The following CCDC148 variants were observed in gnomAD, a reference collection of about 807,000 sequenced individuals.
CCDC148 encodes coiled-coil domain-containing protein 148.
A neutral mutation model predicts 85.7 loss-of-function variants in CCDC148; 89 were observed. That is an observed-to-expected ratio of 1.04 (90% CI 0.87 to 1.24). The LOEUF is 1.24. CCDC148 is among the 50% of genes most tolerant of loss of function. The pLI, the probability that CCDC148 is intolerant of heterozygous loss-of-function variation, is 0.00. For synonymous variants in CCDC148, 230 were observed against 213.9 expected (o/e 1.08, Z -0.66); for missense variants, 692 against 671.7 (o/e 1.03, Z -0.33).
intron 7 of CCDC148, among the ~76,000 whole-genome samples, chr2:158,337,294 T>A (rs2105239144): frequency 6.6e-6 from 1 of 152,228 alleles, no homozygotes; most frequent in East Asian, 1.9e-4. Context: ...CCAGCCAACT[T>A]GCTTTAAATG....
At chr2:158,262,576 A>G (rs1689277295) in intron 9 of CCDC148, among the ~76,000 whole-genome samples, 1 of 152,054 alleles carries the variant, frequency 6.6e-6, no homozygotes, top group South Asian at 2.1e-4. Context: ...AGTTTCATTG[A>G]CTCAGAGTTC....
In CCDC148 at chr2:158,313,897, A is replaced by G. The variant is rs756498154; in HGVS notation, c.765-3T>C. The G allele has an allele frequency of 8.7e-6, 14 of 1,610,076 alleles. No individual in the cohort carries two copies. Among genetic ancestry groups the G allele is most frequent in the Non-Finnish European group, 1.0e-5 (12 of 1,178,212 alleles). ...CTTCTTCACTTAGTTGACAGTTTCT[A>G]GAAGCAACAAAAATGTCACAACATA... is the stretch of plus-strand genomic sequence containing the variant. On this transcript the variant is annotated splice_polypyrimidine_tract_variant and splice_region_variant and intron_variant, in intron 7 of 13. Transcript: ENST00000283233.
intron 1 of CCDC148, among the ~76,000 whole-genome samples, chr2:158,433,065 T>C (rs2105334046): frequency 1.6e-5 from 1 of 60,612 alleles, no homozygotes. Context: ...TGGCAAAACC[T>C]CATCTCTACA....
chr2:158,359,194 T>G (rs1683814515), intron 1 of CCDC148, among the ~76,000 whole-genome samples: 1 of 152,162 alleles, frequency 6.6e-6, no homozygotes, highest in Non-Finnish European at 1.5e-5. Context: ...TACTCTAAGT[T>G]CAAGTAGCAT....
chr2:158,224,465 T>C (rs1197658145), intron 10 of CCDC148, among the ~76,000 whole-genome samples: 1 of 152,074 alleles, frequency 6.6e-6, no homozygotes. Flanking sequence ...ATACAGAGAA[T>C]GCCACAAAGA....
intron 1 of CCDC148, among the ~76,000 whole-genome samples, chr2:158,451,193 A>G (rs1688391465): frequency 6.8e-6 from 1 of 147,634 alleles, no homozygotes; most frequent in Non-Finnish European, 1.5e-5. Flanking sequence ...GAGTCATTTC[A>G]TCTTTAAGTT....
At chr2:158,333,818 C>G (rs1693277081) in intron 7 of CCDC148, among the ~76,000 whole-genome samples, 1 of 152,006 alleles carries the variant, frequency 6.6e-6, no homozygotes, top group Non-Finnish European at 1.5e-5. Flanking sequence ...CTGGTCATAT[C>G]ACACAATCTT....
At chr2:158,422,902 C>T (rs574203734) in intron 1 of CCDC148, among the ~76,000 whole-genome samples, 32 of 151,908 alleles carry the variant, frequency 2.1e-4, no homozygotes, top group African/African-American at 7.5e-4. Flanking sequence ...GATACAAAAT[C>T]AATGTGCAAA....
chr2:158,377,555 A>G (rs191217685), intron 1 of CCDC148, among the ~76,000 whole-genome samples: 137 of 152,116 alleles, frequency 9.0e-4, no homozygotes, highest in African/African-American at 3.1e-3. Flanking sequence ...TCTCATACAC[A>G]TTGTTGGTGG....
intron 1 of CCDC148, among the ~76,000 whole-genome samples, chr2:158,422,978 G>C (rs139020042): frequency 0.19 from 28,870 of 151,824 alleles, 3,229 homozygotes; most frequent in Middle Eastern, 0.26. Flanking sequence ...CTCCCATTCA[G>C]AATTGCTTCA....
At chr2:158,205,542 C>T (rs1161555128) in intron 11 of CCDC148, among the ~76,000 whole-genome samples, 3 of 152,064 alleles carry the variant, frequency 2.0e-5, no homozygotes, top group Admixed American at 1.3e-4. Flanking sequence ...ATTCTGCTAA[C>T]AATCATTTGG....
chr2:158,445,044 TCAG>T (rs1265352883), intron 1 of CCDC148, among the ~76,000 whole-genome samples: 1 of 152,074 alleles, frequency 6.6e-6, no homozygotes, highest in Non-Finnish European at 1.5e-5. Flanking sequence ...TACAAAAAGT[TCAG>T]AAGCTTATAC....
intron 9 of CCDC148, among the ~76,000 whole-genome samples, chr2:158,255,128 A>T (rs900652055): frequency 1.3e-5 from 2 of 151,720 alleles, no homozygotes; most frequent in Non-Finnish European, 2.9e-5. Flanking sequence ...AAGAAAAGAA[A>T]AGAAATGCTG....
At chr2:158,214,121 T>TAAAA (rs70990697) in intron 11 of CCDC148, among the ~76,000 whole-genome samples, 12 of 96,604 alleles carry the variant, frequency 1.2e-4, no homozygotes, top group South Asian at 4.4e-4. Context: ...AACATTGTGG[T>TAAAA]AAAAAAAAAA....
intron 9 of CCDC148, among the ~76,000 whole-genome samples, chr2:158,282,291 A>C (rs943808873): frequency 6.6e-6 from 1 of 152,112 alleles, no homozygotes. Flanking sequence ...AATCAGGCAG[A>C]AGAAGGAAAT....
At chr2:158,219,547 T>G (rs1687061894) in intron 11 of CCDC148, among the ~76,000 whole-genome samples, 1 of 152,322 alleles carries the variant, frequency 6.6e-6, no homozygotes, top group Non-Finnish European at 1.5e-5. Flanking sequence ...CAGCAGCACA[T>G]GTAGGGGACA....
chr2:158,368,443 G>C (rs1055487139), intron 1 of CCDC148, among the ~76,000 whole-genome samples: 1 of 152,042 alleles, frequency 6.6e-6, no homozygotes, highest in Non-Finnish European at 1.5e-5. Context: ...ACATCAGCCT[G>C]TTGTTAAAAT....
rs558163248 is a variant in CCDC148, at chr2:158,171,213, C to T, written c.*900G>A. ...CATTATTCCAGTAATTGCACAGAGG[C>T]TGCAACCCCTGGGAGGTAGGTGGGA... On this transcript the variant is annotated 3_prime_UTR_variant, in exon 14 of 14. Coordinates refer to ENST00000283233, the MANE Select transcript of CCDC148 (RefSeq NM_138803.4). 3 of 151,174 alleles carry T rather than the reference C, an allele frequency of 2.0e-5. No homozygotes were observed. The East Asian group carries it at 5.9e-4, about 30-fold the overall frequency. 9.4% of individuals were successfully genotyped at this position (151,174 alleles called of 1,614,324 possible). A position where few individuals can be genotyped will look rare whatever the true frequency, so the allele number is the denominator to read the frequency against.
intron 10 of CCDC148, among the ~76,000 whole-genome samples, chr2:158,226,732 A>T (rs565414683): frequency 0.015 from 2,294 of 152,302 alleles, 25 homozygotes; most frequent in African/African-American, 0.029. Context: ...AGATGCAGAA[A>T]AGGCCTTTGA....
Sources: allele counts gnomAD v4.1 joint callset (sites outside exome capture counted in the v4.1 genomes callset), GRCh38; gene constraint gnomAD v4.1.1; transcripts MANE v1.5; gene names NCBI Gene and HGNC (gene_info 2026-07-23, HGNC 2026-07-21).